The following USP15 variants were observed in gnomAD, a reference collection of about 807,000 sequenced individuals.
The protein encoded by USP15 is ubiquitin specific peptidase 15.
Under a neutral mutation model 127.1 loss-of-function variants are expected in USP15, and 18 were observed. The observed-to-expected ratio is 0.14, with a 90% CI of 0.10 to 0.21. USP15 has a LOEUF of 0.21. Ranked by LOEUF, USP15 falls within the 10% of genes least tolerant of loss-of-function variation. The probability of loss-of-function intolerance (pLI) is 1.00; values close to 1 mark genes in which losing one functional copy is unlikely to be tolerated. For synonymous variants in USP15, 364 were observed against 393.7 expected (o/e 0.92, Z 0.89); for missense variants, 805 against 1,159.9 (o/e 0.69, Z 4.44).
chr12:62,290,680 C>T (rs962012494), intron 1 of USP15, among the ~76,000 whole-genome samples: 1 of 152,064 alleles, frequency 6.6e-6, no homozygotes, highest in Non-Finnish European at 1.5e-5. Flanking sequence ...TTTGTAGTTT[C>T]GTTGGTGTAA....
rs192111014 is a variant in USP15, at chr12:62,313,053, G to A, written c.349-1737G>A. On this transcript the variant is annotated intron_variant, in intron 3 of 21. Coordinates refer to ENST00000280377, the MANE Select transcript of USP15 (RefSeq NM_001252078.2). ...ACACCTTGTTAATACACTACTTTGG[G>A]AATTAGTAAAATAAATATCTTATAA... 5.9e-5 allele frequency among the ~76,000 whole-genome samples: 9 copies of A among 151,470 alleles called. No individual in the cohort carries two copies. In the East Asian group the frequency reaches 1.7e-3, roughly 29 times the overall value.
intron 8 of USP15, chr12:62,374,394 C>T (rs2066763036): frequency 8.1e-6 from 8 of 985,500 alleles, no homozygotes; most frequent in Middle Eastern, 5.2e-4. Context: ...TTCTAGTTAC[C>T]GGTTTACTAA....
In USP15 at chr12:62,330,952, A is replaced by G. The variant is rs111545626; in HGVS notation, c.683+5019A>G. On this transcript the variant is annotated intron_variant, in intron 6 of 21. Coordinates refer to ENST00000280377, the MANE Select transcript of USP15 (RefSeq NM_001252078.2). ...AAAAAGGAAAAAAAAAAAAAAAAACAGAAAAGCATGTTATAAGCACATGAT... is the reference window on the plus strand; with the variant it reads ...AAAAAGGAAAAAAAAAAAAAAAAACGGAAAAGCATGTTATAAGCACATGAT... 8.0e-4 allele frequency among the ~76,000 whole-genome samples: 118 copies of G among 147,706 alleles called. 2 individuals are homozygous for G. The highest frequency in any genetic ancestry group is 2.6e-4 in the Non-Finnish European group (17 of 66,576).
chr12:62,389,362 A>ACAT, intron 11 of USP15, 69 bp from the exon 12 acceptor site: 3 of 1,269,272 alleles, frequency 2.4e-6, no homozygotes, highest in Non-Finnish European at 3.3e-6. Flanking sequence ...AGCAACCATG[A>ACAT]GGTCACTCTC....
chr12:62,262,206 C>A (rs2137016177), intron 1 of USP15, among the ~76,000 whole-genome samples: 1 of 151,994 alleles, frequency 6.6e-6, no homozygotes, highest in Non-Finnish European at 1.5e-5. Flanking sequence ...CCACTGCACT[C>A]TAGCCTGGGC....
chr12:62,301,226 C>G (rs2064308199), intron 2 of USP15, among the ~76,000 whole-genome samples: 1 of 152,144 alleles, frequency 6.6e-6, no homozygotes, highest in Non-Finnish European at 1.5e-5. Flanking sequence ...AACTCTCATA[C>G]ACTGTTTCTA....
chr12:62,409,349 A>G lies in USP15; in HGVS notation c.*4974A>G, dbSNP rs962848128. 1 of 152,184 alleles carries G rather than the reference A, an allele frequency of 6.6e-6. No individual in the cohort carries two copies. Among genetic ancestry groups the G allele is most frequent in the African/African-American group, 2.4e-5 (1 of 41,460 alleles). 9.4% of individuals were successfully genotyped at this position (152,184 alleles called of 1,614,324 possible). ...AAAGGACAGAGAGAAAATCAGTCAA[A>G]TGGGTTTTGATATTTTTTTTTCCTA... On this transcript the variant is annotated 3_prime_UTR_variant, in exon 22 of 22. Transcript: ENST00000280377.
chr12:62,380,849 T>C (rs1178964111), intron 8 of USP15, among the ~76,000 whole-genome samples: 1 of 152,084 alleles, frequency 6.6e-6, no homozygotes, highest in African/African-American at 2.4e-5. Context: ...AGTTGGAAAA[T>C]TAACTTATTT....
At chr12:62,288,012 T>A (rs1284274748) in intron 1 of USP15, among the ~76,000 whole-genome samples, 1 of 152,184 alleles carries the variant, frequency 6.6e-6, no homozygotes, top group East Asian at 1.9e-4. Context: ...TAATTTGAAG[T>A]TGGGTAATGT....
chr12:62,399,808 ATTGG>A (rs1461694479), intron 20 of USP15, among the ~76,000 whole-genome samples: 2 of 152,100 alleles, frequency 1.3e-5, no homozygotes, highest in Non-Finnish European at 2.9e-5. Flanking sequence ...TTTTATTGTG[ATTGG>A]TTGGTTGGTT....
chr12:62,282,891 A>G (rs56900604), intron 1 of USP15, among the ~76,000 whole-genome samples: 3,714 of 152,308 alleles, frequency 0.024, 156 homozygotes, highest in African/African-American at 0.086. Context: ...GTAACTATAA[A>G]TAGAATTTCT....
chr12:62,388,245 G>A lies in USP15; in HGVS notation c.1474-1186G>A, dbSNP rs531210496. 5.4e-5 allele frequency among the ~76,000 whole-genome samples: 8 copies of A among 146,976 alleles called. No individual in the cohort carries two copies. In the South Asian group the frequency reaches 1.4e-3, roughly 25 times the overall value. ...CCTCCTGGGCTCAAGGGATTCTCCCGCCTCAGACTCCCAAGTAGCTGGGAC... is the reference window on the plus strand; with the variant it reads ...CCTCCTGGGCTCAAGGGATTCTCCCACCTCAGACTCCCAAGTAGCTGGGAC... On this transcript the variant is annotated intron_variant, in intron 11 of 21. Transcript: ENST00000280377.
intron 3 of USP15, among the ~76,000 whole-genome samples, chr12:62,311,911 A>T (rs2064691483): frequency 6.6e-6 from 1 of 151,820 alleles, no homozygotes; most frequent in African/African-American, 2.4e-5. Context: ...ATATTAATTG[A>T]TTAGTTTTAA....
chr12:62,407,381 A>G lies in USP15; in HGVS notation c.*3006A>G, dbSNP rs1320725177. 6.6e-6 allele frequency: 1 copy of G among 152,214 alleles called. No individual in the cohort carries two copies. Among genetic ancestry groups the G allele is most frequent in the African/African-American group, 2.4e-5 (1 of 41,460 alleles). 9.4% of individuals were successfully genotyped at this position (152,214 alleles called of 1,614,324 possible). ...CCTCATAGGATTGTTGAGAGCTCAA[A>G]TGAGATCATGTATTTTATGGGAAGA... On this transcript the variant is annotated 3_prime_UTR_variant, in exon 22 of 22. Transcript: ENST00000280377.
At chr12:62,282,888 TAAATAG>T (rs1327906189) in intron 1 of USP15, among the ~76,000 whole-genome samples, 1 of 152,240 alleles carries the variant, frequency 6.6e-6, no homozygotes, top group Admixed American at 6.5e-5. Context: ...TAAGTAACTA[TAAATAG>T]AATTTCTATA....
chr12:62,269,291 C>T (rs943683983), intron 1 of USP15, among the ~76,000 whole-genome samples: 6 of 151,878 alleles, frequency 4.0e-5, no homozygotes, highest in Non-Finnish European at 5.9e-5. Flanking sequence ...TACTGTAGTG[C>T]ATACTGTAGT....
intron 8 of USP15, among the ~76,000 whole-genome samples, chr12:62,375,879 G>A (rs986220928): frequency 6.6e-6 from 1 of 152,110 alleles, no homozygotes; most frequent in Admixed American, 6.5e-5. Context: ...TAATTGTCTT[G>A]CACATACAAT....
intron 11 of USP15, among the ~76,000 whole-genome samples, chr12:62,385,437 T>TAA (rs1369013264): frequency 6.6e-6 from 1 of 152,016 alleles, no homozygotes; most frequent in Admixed American, 6.6e-5. Flanking sequence ...GTAGTGTTCA[T>TAA]AAACACACAG....
Position 62,405,684 on chromosome 12 carries a change from T to C in USP15, c.*1309T>C, listed in dbSNP as rs1403255987. ...CCTAAATGCTGGGGCACATTTCACA[T>C]ATCGACTACCTGAGAAATTGCTTTG... On this transcript the variant is annotated 3_prime_UTR_variant, in exon 22 of 22. Coordinates refer to ENST00000280377, the MANE Select transcript of USP15 (RefSeq NM_001252078.2). 1 of 152,592 alleles carries C rather than the reference T, an allele frequency of 6.6e-6. No homozygotes were observed. Among genetic ancestry groups the C allele is most frequent in the Non-Finnish European group, 1.5e-5 (1 of 68,006 alleles). The allele number at this position is 152,592 out of a possible 1,614,324, so 9.5% of individuals were successfully genotyped here.
Sources: gnomAD v4.1 joint callset for allele counts (sites outside exome capture counted in the v4.1 genomes callset) on GRCh38, gnomAD v4.1.1 for gene constraint, MANE v1.5 for transcripts, NCBI Gene and HGNC (gene_info 2026-07-23, HGNC 2026-07-21) for gene names.